The following PRDM16 variants were observed in gnomAD, a reference collection of about 807,000 sequenced individuals.
PRDM16 encodes the protein histone-lysine N-methyltransferase PRDM16.
Under a neutral mutation model 110.6 loss-of-function variants are expected in PRDM16, and 23 were observed. The observed-to-expected ratio is 0.21, with a 90% confidence interval of 0.15 to 0.29. The LOEUF (loss-of-function observed/expected upper bound fraction) is 0.29. PRDM16 is among the 10% of genes least tolerant of loss of function. PRDM16 has a pLI of 1.00. For synonymous variants in PRDM16, 799 were observed against 781.8 expected (o/e 1.02, Z -0.37); for missense variants, 1,615 against 1,794.3 (o/e 0.90, Z 1.81).
chr1:3,097,901 A>G (rs1163197575), intron 1 of PRDM16, among the ~76,000 whole-genome samples: 1 of 152,110 alleles, frequency 6.6e-6, no homozygotes, highest in Non-Finnish European at 1.5e-5. Flanking sequence ...GGAAAGACCC[A>G]GGAGGCAGAA....
chr1:3,362,180 CTT>C (rs1194640082), intron 3 of PRDM16, among the ~76,000 whole-genome samples: 1 of 152,238 alleles, frequency 6.6e-6, no homozygotes, highest in Non-Finnish European at 1.5e-5. Flanking sequence ...CTTCCCCTGC[CTT>C]TGTCTTCATT....
intron 2 of PRDM16, among the ~76,000 whole-genome samples, chr1:3,241,472 G>A (rs1639673089): frequency 1.3e-5 from 2 of 152,342 alleles, no homozygotes; most frequent in South Asian, 4.1e-4. Context: ...CCCCGGGGCT[G>A]GCCAGGTCCC....
At chr1:3,315,811 C>G (rs565152032) in intron 3 of PRDM16, among the ~76,000 whole-genome samples, 141 of 152,252 alleles carry the variant, frequency 9.3e-4, no homozygotes, top group Non-Finnish European at 7.2e-4. Context: ...ATCGGAGACT[C>G]CCACAGGTCA....
rs1642660144 is a variant in PRDM16 at position 3,358,770 on chromosome 1, C to T, written c.439-26382C>T. On this transcript the variant is annotated intron_variant, in intron 3 of 16. Coordinates refer to ENST00000270722, the MANE Select transcript of PRDM16 (RefSeq NM_022114.4). The surrounding 1 kb of genome is among the most constrained non-coding windows in gnomAD (Gnocchi z 4.0). Reference sequence around the variant, plus strand: ...AACCCAGGACACTGTGTGTGAGTCCCACCTCCTTCCAGTCTCCACAAAGTC... The same window carrying T: ...AACCCAGGACACTGTGTGTGAGTCCTACCTCCTTCCAGTCTCCACAAAGTC... 6.6e-6 allele frequency among the ~76,000 whole-genome samples: 1 copy of T among 152,212 alleles called. No homozygotes were observed. The highest frequency in any genetic ancestry group is 1.5e-5 in the Non-Finnish European group (1 of 68,040).
intron 3 of PRDM16, among the ~76,000 whole-genome samples, chr1:3,326,713 C>T (rs1641919723): frequency 1.3e-5 from 2 of 152,368 alleles, no homozygotes; most frequent in South Asian, 4.1e-4. Context: ...GCAGTGGCCA[C>T]CACAGGCAGT....
intron 3 of PRDM16, among the ~76,000 whole-genome samples, chr1:3,300,010 T>G (rs1380815872): frequency 1.0e-5 from 1 of 98,630 alleles, no homozygotes; most frequent in East Asian, 4.8e-4. Context: ...TCTGCCCTTG[T>G]TGAAGATGCT....
At chr1:3,164,681 G>T (rs994763822) in intron 1 of PRDM16, among the ~76,000 whole-genome samples, 2 of 152,176 alleles carry the variant, frequency 1.3e-5, no homozygotes, top group Non-Finnish European at 2.9e-5. Flanking sequence ...AGGAGGCGGC[G>T]TGGTCGAGCG....
chr1:3,391,787 A>G (rs1643304994), intron 4 of PRDM16, among the ~76,000 whole-genome samples: 1 of 152,264 alleles, frequency 6.6e-6, no homozygotes, highest in Non-Finnish European at 1.5e-5. Context: ...CCAGCCGCTC[A>G]GCACGGAGGA....
chr1:3,085,488 A>G (rs1285556032), intron 1 of PRDM16, among the ~76,000 whole-genome samples: 1 of 152,180 alleles, frequency 6.6e-6, no homozygotes, highest in Non-Finnish European at 1.5e-5. Flanking sequence ...CTGGTAGTGG[A>G]CAAGGGAAGG....
intron 8 of PRDM16, among the ~76,000 whole-genome samples, chr1:3,408,795 C>CAT (rs1553175654): frequency 2.3e-5 from 3 of 133,250 alleles, no homozygotes; most frequent in Non-Finnish European, 3.2e-5. Flanking sequence ...TGAGCCGGTG[C>CAT]GTGTGTGTGA....
intron 1 of PRDM16, among the ~76,000 whole-genome samples, chr1:3,138,565 C>T (rs1643485164): frequency 1.3e-5 from 2 of 152,218 alleles, no homozygotes; most frequent in African/African-American, 2.4e-5. Context: ...TCACCTGGTA[C>T]TTGGAGGTGT....
At position 3,353,147 on chromosome 1, in the gene PRDM16, C is replaced by T. The variant is rs1642528016; in HGVS notation, c.439-32005C>T. On this transcript the variant is annotated intron_variant, in intron 3 of 16. Coordinates refer to ENST00000270722, the MANE Select transcript of PRDM16 (RefSeq NM_022114.4). The surrounding 1 kb of genome is among the most constrained non-coding windows in gnomAD (Gnocchi z 5.4). ...CCCAGCCCAGACTCCCACGCAGGGACGTCCCTCACAGCAGGATTTGCTGCT... is the reference window on the plus strand; with the variant it reads ...CCCAGCCCAGACTCCCACGCAGGGATGTCCCTCACAGCAGGATTTGCTGCT... Among the ~76,000 whole-genome samples the T allele has an allele frequency of 6.6e-6, 1 of 152,246 alleles. No homozygotes were observed. The highest frequency in any genetic ancestry group is 1.5e-5 in the Non-Finnish European group (1 of 68,040).
intron 1 of PRDM16, among the ~76,000 whole-genome samples, chr1:3,135,032 G>T (rs1200098379): frequency 6.6e-6 from 1 of 152,112 alleles, no homozygotes; most frequent in Non-Finnish European, 1.5e-5. Flanking sequence ...TGCTGCCCCC[G>T]GGTCAGGGGC....
Position 3,147,002 on chromosome 1 carries a change from G to A in PRDM16, c.38-39123G>A, listed in dbSNP as rs569839189. ...GGGGTGTGTGTGCATGTGTGTGCTT[G>A]GTGTGGGGGGTATGCGCACGTGTGT... On this transcript the variant is annotated intron_variant, in intron 1 of 16. Coordinates refer to ENST00000270722, the MANE Select transcript of PRDM16 (RefSeq NM_022114.4). Among the ~76,000 whole-genome samples, 82 of 104,804 alleles carry A rather than the reference G, an allele frequency of 7.8e-4. 2 individuals carry two copies. The highest frequency in any genetic ancestry group is 2.8e-3 in the African/African-American group (71 of 25,632). The allele number at this position is 104,804 out of a possible 152,430, so 68.8% of individuals were successfully genotyped here.
chr1:3,316,027 T>C (rs1192861894), intron 3 of PRDM16, among the ~76,000 whole-genome samples: 2 of 152,116 alleles, frequency 1.3e-5, no homozygotes, highest in East Asian at 1.9e-4. Flanking sequence ...TGGCTTTCAG[T>C]TGGACAGGGG....
Position 3,336,955 on chromosome 1 carries a change from GCA to G in PRDM16, c.439-48194_439-48193del, listed in dbSNP as rs200756762. ...CACATGTGTTGGTGTGAGTCTGTGA[GCA>G]CATGCATGCACATATGTGTTGGTGT... On this transcript the variant is annotated intron_variant, in intron 3 of 16. Coordinates refer to ENST00000270722, the MANE Select transcript of PRDM16 (RefSeq NM_022114.4). Among the ~76,000 whole-genome samples the G allele has an allele frequency of 9.7e-3, 1,450 of 150,204 alleles. 29 individuals are homozygous for G. The highest frequency in any genetic ancestry group is 0.033 in the African/African-American group (1,358 of 40,698).
At chr1:3,396,881 T>C (rs996693411) in intron 5 of PRDM16, among the ~76,000 whole-genome samples, 1 of 152,254 alleles carries the variant, frequency 6.6e-6, no homozygotes, top group African/African-American at 2.4e-5. Flanking sequence ...GGCAAACTGG[T>C]ATCCAGTGGA....
rs6690217 is a variant in PRDM16, at chr1:3,284,569, A to T, written c.438+40432A>T. ...CGGGAGCCAGGACCTGCCAGCAGCCAGAGTTCAGCCCTGCAGGGAAAGGGG... is the reference window on the plus strand; with the variant it reads ...CGGGAGCCAGGACCTGCCAGCAGCCTGAGTTCAGCCCTGCAGGGAAAGGGG... On this transcript the variant is annotated intron_variant, in intron 3 of 16. Coordinates refer to ENST00000270722, the MANE Select transcript of PRDM16 (RefSeq NM_022114.4). Among the ~76,000 whole-genome samples, 6 of 152,094 alleles carry T rather than the reference A, an allele frequency of 3.9e-5. No individual in the cohort carries two copies. In the East Asian group the frequency reaches 7.7e-4, roughly 20 times the overall value.
chr1:3,280,591 G>A (rs114177119), intron 3 of PRDM16, among the ~76,000 whole-genome samples: 3,709 of 152,310 alleles, frequency 0.024, 60 homozygotes, highest in Middle Eastern at 0.068. Flanking sequence ...GGAGCCTGGA[G>A]GCAGCTGGAA....
Sources: allele counts gnomAD v4.1 joint callset (sites outside exome capture counted in the v4.1 genomes callset), GRCh38; gene constraint gnomAD v4.1.1; non-coding constraint Gnocchi (gnomAD v3.1); transcripts MANE v1.5; gene names NCBI Gene and HGNC (gene_info 2026-07-23, HGNC 2026-07-21).